BANP: variants seen among roughly 807,000 people sequenced by gnomAD.
The protein encoded by BANP is protein BANP.
A neutral mutation model predicts 68.1 loss-of-function variants in BANP; 11 were observed. The observed-to-expected ratio is 0.16, with a 90% confidence interval of 0.10 to 0.27. BANP has a LOEUF of 0.27. Ranked by LOEUF, BANP falls within the 10% of genes least tolerant of loss-of-function variation. The pLI is 1.00. For missense variants in BANP, 504 were observed against 722.7 expected (o/e 0.70, Z 3.47); for synonymous variants, 329 against 303.2 (o/e 1.09, Z -0.88).
chr16:88,046,339 C>G (rs943998519), intron 11 of BANP, among the ~76,000 whole-genome samples: 1 of 152,128 alleles, frequency 6.6e-6, no homozygotes, highest in African/African-American at 2.4e-5. Context: ...CAGGACGGAA[C>G]CTTTTAAAGC....
intron 1 of BANP, among the ~76,000 whole-genome samples, chr16:87,970,464 C>A (rs2060905608): frequency 6.6e-6 from 1 of 152,134 alleles, no homozygotes; most frequent in African/African-American, 2.4e-5. Context: ...TGTTAGAATG[C>A]TTTTATACAG....
In BANP at chr16:88,057,649, A is replaced by G. The variant is rs72818554; in HGVS notation, c.1312-7618A>G. Among the ~76,000 whole-genome samples the G allele has an allele frequency of 0.11, 16,792 of 150,694 alleles. 1,845 individuals carry two copies. The highest frequency in any genetic ancestry group is 0.29 in the African/African-American group (11,893 of 41,016). On this transcript the variant is annotated intron_variant, in intron 11 of 13. Transcript: ENST00000682872. The surrounding 1 kb of genome is among the most constrained non-coding windows in gnomAD (Gnocchi z 4.6). ...GTTCTTCACACCCTTCATGTTGGCA[A>G]TGTTTGGGTCCTGGTTCTTACATCC...
intron 10 of BANP, chr16:88,037,662 AC>A (rs1330633199): frequency 1.8e-5 from 7 of 389,316 alleles, no homozygotes; most frequent in Admixed American, 1.2e-4. Flanking sequence ...TACTTTCTGT[AC>A]TTTTTGTGAG....
In BANP at chr16:88,063,255, C is replaced by A. The variant is rs1194410220; in HGVS notation, c.1312-2012C>A. Among the ~76,000 whole-genome samples, 9 of 152,360 alleles carry A rather than the reference C, an allele frequency of 5.9e-5. No homozygotes were observed. In the East Asian group the frequency reaches 1.7e-3, roughly 29 times the overall value. On this transcript the variant is annotated intron_variant, in intron 11 of 13. Transcript: ENST00000682872. ...TCCCTTATTTCTAGGCCCAGTGCCTCGGCTTTCGCCTCTCAGCCCTCCCCT... is the reference window on the plus strand; with the variant it reads ...TCCCTTATTTCTAGGCCCAGTGCCTAGGCTTTCGCCTCTCAGCCCTCCCCT...
At chr16:87,987,466 A>G (rs1020658858) in intron 4 of BANP, among the ~76,000 whole-genome samples, 2 of 152,062 alleles carry the variant, frequency 1.3e-5, no homozygotes, top group African/African-American at 4.8e-5. Context: ...GCTCACACCT[A>G]TAATTCCAGC....
At chr16:88,043,987 T>A (rs1210078399) in intron 11 of BANP, among the ~76,000 whole-genome samples, 3 of 152,252 alleles carry the variant, frequency 2.0e-5, no homozygotes. Flanking sequence ...GGTTTTTTTA[T>A]GAGGTCATGG....
In BANP at chr16:87,983,111, G is replaced by A. The variant is rs544689479; in HGVS notation, c.163-949G>A. On this transcript the variant is annotated intron_variant, in intron 3 of 13. Transcript: ENST00000682872. ...CTGATGTGCACACTTTGGACCCCAC[G>A]CTCTTTAGGTCATGGGCAGGAAAGG... Among the ~76,000 whole-genome samples, 6 of 152,232 alleles carry A rather than the reference G, an allele frequency of 3.9e-5. No homozygotes were observed. The South Asian group carries it at 6.2e-4, about 16-fold the overall frequency.
In BANP at chr16:87,951,694, C is replaced by T. The variant is rs904230752; in HGVS notation, c.-69+179C>T. Reference sequence around the variant, plus strand: ...CCCCCCGGGCCCCGCTCCCCGTCCCCGGCCGCGCCCCGGAAGAGGGGCTCC... The same window carrying T: ...CCCCCCGGGCCCCGCTCCCCGTCCCTGGCCGCGCCCCGGAAGAGGGGCTCC... On this transcript the variant is annotated intron_variant, in intron 1 of 13. Coordinates refer to ENST00000682872, the MANE Select transcript of BANP (RefSeq NM_001386991.1). Among the ~76,000 whole-genome samples, 223 of 149,390 alleles carry T rather than the reference C, an allele frequency of 1.5e-3. 1 individual carries two copies. Among genetic ancestry groups the T allele is most frequent in the African/African-American group, 5.2e-3 (213 of 41,156 alleles).
In BANP at chr16:87,957,917, T is replaced by G. The variant is rs891249392; in HGVS notation, c.-69+6402T>G. 6.6e-6 allele frequency among the ~76,000 whole-genome samples: 1 copy of G among 152,112 alleles called. No individual in the cohort carries two copies. The highest frequency in any genetic ancestry group is 1.5e-5 in the Non-Finnish European group (1 of 68,012). Reference sequence around the variant, plus strand: ...TGTCCTCAAGTGAGCTCAGCTCTTGTGTCGGTGGGAGCTGGCGGTGGGTCC... The same window carrying G: ...TGTCCTCAAGTGAGCTCAGCTCTTGGGTCGGTGGGAGCTGGCGGTGGGTCC... On this transcript the variant is annotated intron_variant, in intron 1 of 13. Transcript: ENST00000682872. The surrounding 1 kb of genome is among the most constrained non-coding windows in gnomAD (Gnocchi z 4.3).
intron 7 of BANP, among the ~76,000 whole-genome samples, chr16:88,023,351 G>T (rs2076366308): frequency 6.6e-6 from 1 of 152,196 alleles, no homozygotes; most frequent in Admixed American, 6.5e-5. Context: ...GAGTCAGCAG[G>T]CTTGAAGAAG....
chr16:88,065,215 G>A, intron 11 of BANP, 52 bp from the exon 12 acceptor site: 1 of 687,738 alleles, frequency 1.5e-6, no homozygotes. Context: ...GCAAGGCAGG[G>A]TTGGTCCTTC....
chr16:88,046,107 G>T (rs981264039), intron 11 of BANP, among the ~76,000 whole-genome samples: 2 of 152,252 alleles, frequency 1.3e-5, no homozygotes, highest in African/African-American at 4.8e-5. Context: ...GTGGTCTGCA[G>T]ACAGAAGCTT....
Position 88,064,080 on chromosome 16 carries a change from A to G in BANP, c.1312-1187A>G, listed in dbSNP as rs1197744378. 6.6e-6 allele frequency among the ~76,000 whole-genome samples: 1 copy of G among 152,132 alleles called. No individual in the cohort carries two copies. The highest frequency in any genetic ancestry group is 1.5e-5 in the Non-Finnish European group (1 of 68,012). On this transcript the variant is annotated intron_variant, in intron 11 of 13. Coordinates refer to ENST00000682872, the MANE Select transcript of BANP (RefSeq NM_001386991.1). This position sits in a 1 kb window ranked among gnomAD's most constrained non-coding sequence, Gnocchi z 4.5. ...ACAGACATTGTTGCTGCCTTGGAAC[A>G]AGGTGTGGGGGCCAACCACAAGCAG...
At chr16:88,030,318 C>G (rs1395076577) in intron 8 of BANP, among the ~76,000 whole-genome samples, 2 of 151,936 alleles carry the variant, frequency 1.3e-5, no homozygotes, top group African/African-American at 4.8e-5. Context: ...AAATTACATT[C>G]AAGAATTTAA....
At chr16:88,048,034 G>C (rs1055657981) in intron 11 of BANP, among the ~76,000 whole-genome samples, 1 of 152,230 alleles carries the variant, frequency 6.6e-6, no homozygotes, top group African/African-American at 2.4e-5. Context: ...TGCAGGGCCG[G>C]CTCAAAGAGC....
chr16:87,976,164 A>G (rs11117338), intron 2 of BANP, among the ~76,000 whole-genome samples: 53,036 of 152,188 alleles, frequency 0.35, 10,553 homozygotes, highest in Non-Finnish European at 0.47. Context: ...ATCCTTGCAT[A>G]TATATCTTGG....
chr16:88,070,006 G>A (rs2089910748), intron 12 of BANP, among the ~76,000 whole-genome samples: 1 of 151,900 alleles, frequency 6.6e-6, no homozygotes, highest in South Asian at 2.1e-4. Context: ...ACGAAGGCCA[G>A]GATGACGATC....
chr16:88,048,083 G>A (rs112298046), intron 11 of BANP, among the ~76,000 whole-genome samples: 4 of 152,214 alleles, frequency 2.6e-5, no homozygotes, highest in South Asian at 2.1e-4. Context: ...TGTGGCTTCC[G>A]CAGCTGGCCG....
rs1343121142 is a variant in BANP, at chr16:88,071,510, C to G, written c.1378-559C>G. The G allele has an allele frequency of 2.2e-6, 1 of 456,458 alleles. No individual in the cohort carries two copies. Among genetic ancestry groups the G allele is most frequent in the East Asian group, 6.9e-5 (1 of 14,392 alleles). 28.3% of individuals were successfully genotyped at this position (456,458 alleles called of 1,614,324 possible). A position where few individuals can be genotyped will look rare whatever the true frequency, so the allele number is the denominator to read the frequency against. ...GGCTCTCTGCCACCAGGACTCACTT[C>G]CGCCCATCTTGGAACTGGGCCTCAC... On this transcript the variant is annotated intron_variant, in intron 12 of 13. Coordinates refer to ENST00000682872, the MANE Select transcript of BANP (RefSeq NM_001386991.1). This position sits in a 1 kb window ranked among gnomAD's most constrained non-coding sequence, Gnocchi z 6.5.
Sources: gnomAD v4.1 joint callset for allele counts (sites outside exome capture counted in the v4.1 genomes callset) on GRCh38, gnomAD v4.1.1 for gene constraint, Gnocchi (gnomAD v3.1) non-coding constraint, MANE v1.5 for transcripts, NCBI Gene and HGNC (gene_info 2026-07-23, HGNC 2026-07-21) for gene names.